SIRPA: variants seen among roughly 807,000 people sequenced by gnomAD.
The protein encoded by SIRPA is signal regulatory protein alpha.
In SIRPA, 9 loss-of-function variants were observed where a neutral mutation model predicts 50.3. The ratio of observed to expected loss-of-function variants is 0.18; its 90% CI spans 0.11 to 0.31. The LOEUF is 0.31. SIRPA is among the 10% of genes least tolerant of loss of function. The probability of loss-of-function intolerance (pLI) is 1.00; values close to 1 mark genes in which losing one functional copy is unlikely to be tolerated. For synonymous variants in SIRPA, 265 were observed against 284.1 expected (o/e 0.93, Z 0.68); for missense variants, 474 against 661.6 (o/e 0.72, Z 3.11).
At chr20:1,929,929 T>G (rs564041013) in intron 6 of SIRPA, among the ~76,000 whole-genome samples, 1 of 152,116 alleles carries the variant, frequency 6.6e-6, no homozygotes. Context: ...CTTGAACAGT[T>G]TCACTTCTAG....
rs1413336048 is a variant in SIRPA, at chr20:1,937,364, G to T, written c.1311G>T (p.Gly437=). ...ITYADLNLPK[G]KKPAPQAAEP... ...ATGCAGACCTGAACCTGCCCAAGGG[G>T]AAGAAGCCTGCTCCCCAGGCTGCGG... is the stretch of plus-strand genomic sequence containing the variant. The change falls in exon 8 of 8, where the codon GGG becomes GGT. Residue 437 remains glycine, a synonymous_variant. Transcript: ENST00000358771. The surrounding 1 kb of genome is among the most constrained non-coding windows in gnomAD (Gnocchi z 8.3). 1.2e-6 allele frequency: 2 copies of T among 1,613,992 alleles called. No homozygotes were observed. Among genetic ancestry groups the T allele is most frequent in the Admixed American group, 3.3e-5 (2 of 60,000 alleles).
rs552163992 is a variant in SIRPA at position 1,900,949 on chromosome 20, A to C, written c.79+5423A>C. 8.5e-5 allele frequency among the ~76,000 whole-genome samples: 13 copies of C among 152,220 alleles called. No individual in the cohort carries two copies. In the South Asian group the frequency reaches 2.1e-3, roughly 24 times the overall value. On this transcript the variant is annotated intron_variant, in intron 1 of 7. Coordinates refer to ENST00000358771, the MANE Select transcript of SIRPA (RefSeq NM_001040023.2). ...GAGGAAACTGAGGCTCTGAATGGTGAAGCAGCTTGCCCAAGGCCACACCGT... is the reference window on the plus strand; with the variant it reads ...GAGGAAACTGAGGCTCTGAATGGTGCAGCAGCTTGCCCAAGGCCACACCGT...
At chr20:1,923,454 A>G (rs1230061875) in intron 4 of SIRPA, among the ~76,000 whole-genome samples, 1 of 152,264 alleles carries the variant, frequency 6.6e-6, no homozygotes, top group Non-Finnish European at 1.5e-5. Flanking sequence ...GAAGCTCTCA[A>G]AGACAGCCTT....
Position 1,937,593 on chromosome 20 carries a change from C to T in SIRPA, c.*25C>T. ...AATGGGACCGTGGTTTGCTCTAGCA[C>T]CCATCTCTACGCGCTTTCTTGTCCC... On this transcript the variant is annotated 3_prime_UTR_variant, in exon 8 of 8. Coordinates refer to ENST00000358771, the MANE Select transcript of SIRPA (RefSeq NM_001040023.2). This position sits in a 1 kb window ranked among gnomAD's most constrained non-coding sequence, Gnocchi z 8.3. 6.2e-7 allele frequency: 1 copy of T among 1,609,736 alleles called. No homozygotes were observed. The highest frequency in any genetic ancestry group is 1.1e-5 in the South Asian group (1 of 90,898).
rs955466464 is a variant in SIRPA at position 1,935,056 on chromosome 20, G to A, written c.1266+302G>A. Among the ~76,000 whole-genome samples the A allele has an allele frequency of 3.4e-5, 5 of 146,646 alleles. No homozygotes were observed. The East Asian group carries it at 6.2e-4, about 18-fold the overall frequency. The stretch of plus-strand genomic sequence containing the variant: ...GGCTGCAGCTCCCTTAGTGTGGATC[G>A]TGCCTTCCCATCTCTCTACATTTGC... On this transcript the variant is annotated intron_variant, in intron 7 of 7. Transcript: ENST00000358771.
chr20:1,911,291 G>GTTAGATTGT (rs1984873158), intron 1 of SIRPA, among the ~76,000 whole-genome samples: 1 of 152,174 alleles, frequency 6.6e-6, no homozygotes, highest in Non-Finnish European at 1.5e-5. Flanking sequence ...AAGGTATGAT[G>GTTAGATTGT]TTAGATTGTT....
intron 1 of SIRPA, among the ~76,000 whole-genome samples, chr20:1,897,405 T>C (rs1983895927): frequency 2.0e-5 from 3 of 152,232 alleles, no homozygotes; most frequent in Non-Finnish European, 2.9e-5. Flanking sequence ...TCTCCCATTA[T>C]CCTTCAGTAT....
rs1210518049 is a variant in SIRPA at position 1,895,460 on chromosome 20, G to A, written c.13G>A (p.Gly5Ser). 17 of 1,423,416 alleles carry A rather than the reference G, an allele frequency of 1.2e-5. No homozygotes were observed. The highest frequency in any genetic ancestry group is 3.1e-5 in the Admixed American group (1 of 31,948). 88.2% of individuals were successfully genotyped at this position (1,423,416 alleles called of 1,614,324 possible). A position where few individuals can be genotyped will look rare whatever the true frequency, so the allele number is the denominator to read the frequency against. The change falls in exon 1 of 8, where the codon GGC (glycine) becomes AGC (serine). Residue 5 changes from glycine to serine, a missense_variant. Gly to Ser is a moderately conservative substitution (Grantham distance 56). Transcript: ENST00000358771. ...GCAGCCGCGGCCCATGGAGCCCGCC[G>A]GCCCGGCCCCCGGCCGCCTCGGGCC... MEPA[G>S]PAPGRLGPLL...
rs756056699 is a variant in SIRPA, at chr20:1,922,335, T to C, written c.777T>C (p.Thr259=). The C allele has an allele frequency of 1.2e-5, 20 of 1,614,086 alleles. No homozygotes were observed. Among genetic ancestry groups the C allele is most frequent in the Non-Finnish European group, 1.6e-5 (19 of 1,179,964 alleles). ...TIRVPPTLEV[T]QQPVRAENQV... is the part of the protein sequence containing the mutation. ...CAGTTCCACCCACCTTGGAGGTTAC[T>C]CAACAGCCCGTGAGGGCAGAGAACC... Residue 259 remains threonine, a synonymous_variant, in exon 4 of 8, where the codon ACT becomes ACC. Transcript: ENST00000358771.
intron 1 of SIRPA, among the ~76,000 whole-genome samples, chr20:1,912,499 G>A (rs769016472): frequency 2.6e-5 from 4 of 152,182 alleles, no homozygotes; most frequent in African/African-American, 7.2e-5. Context: ...TATTTTTATC[G>A]ATGACACTGT....
chr20:1,912,777 G>GA (rs551556191), intron 1 of SIRPA, among the ~76,000 whole-genome samples: 14 of 152,344 alleles, frequency 9.2e-5, no homozygotes, highest in African/African-American at 3.1e-4. Flanking sequence ...GCTAAGAGGG[G>GA]AGCCATGCTG....
intron 1 of SIRPA, among the ~76,000 whole-genome samples, chr20:1,912,910 C>A (rs1984986023): frequency 6.6e-6 from 1 of 152,242 alleles, no homozygotes; most frequent in South Asian, 2.1e-4. Context: ...GCTGGTGCTG[C>A]CTCTGATGTC....
chr20:1,907,763 C>T (rs544787921), intron 1 of SIRPA, among the ~76,000 whole-genome samples: 3 of 152,354 alleles, frequency 2.0e-5, no homozygotes, highest in East Asian at 3.9e-4. Context: ...GTATCTAGGA[C>T]AGGGCCTGGC....
At chr20:1,919,934 G>T (rs538795782) in intron 2 of SIRPA, among the ~76,000 whole-genome samples, 4 of 152,184 alleles carry the variant, frequency 2.6e-5, no homozygotes, top group Non-Finnish European at 5.9e-5. Context: ...GCTGCCTGAA[G>T]GATAAATGTG....
Position 1,917,978 on chromosome 20 carries a change from A to G in SIRPA, c.436+2523A>G, listed in dbSNP as rs147175627. On this transcript the variant is annotated intron_variant, in intron 2 of 7. Coordinates refer to ENST00000358771, the MANE Select transcript of SIRPA (RefSeq NM_001040023.2). ...TTCATGAAGTTCAGGCACTTGCTCA[A>G]TTGATTGACATGAGAGCTTGGGGAA... 2.2e-3 allele frequency among the ~76,000 whole-genome samples: 332 copies of G among 152,252 alleles called. 1 individual carries two copies. The highest frequency in any genetic ancestry group is 7.4e-3 in the African/African-American group (306 of 41,558).
Position 1,937,208 on chromosome 20 carries a change from G to A in SIRPA, c.1267-112G>A, listed in dbSNP as rs1003503683. 141 of 1,303,668 alleles carry A rather than the reference G, an allele frequency of 1.1e-4. No individual in the cohort carries two copies. Among genetic ancestry groups the A allele is most frequent in the Admixed American group, 2.1e-5 (1 of 48,112 alleles). The allele number at this position is 1,303,668 out of a possible 1,614,324, so 80.8% of individuals were successfully genotyped here. A position where few individuals can be genotyped will look rare whatever the true frequency, so the allele number is the denominator to read the frequency against. ...GAACATGACTTATGGCTGAGCCAGT[G>A]TGGGCCGAGAGGACACAGAAGCATC... On this transcript the variant is annotated intron_variant, in intron 7 of 7. Transcript: ENST00000358771. This position sits in a 1 kb window ranked among gnomAD's most constrained non-coding sequence, Gnocchi z 8.3.
chr20:1,906,681 G>C (rs903664988), intron 1 of SIRPA, among the ~76,000 whole-genome samples: 36 of 152,264 alleles, frequency 2.4e-4, no homozygotes, highest in African/African-American at 8.4e-4. Flanking sequence ...GGAGGGTTTT[G>C]CACAAAGGAG....
In SIRPA at chr20:1,901,163, C is replaced by T. The variant is rs28576903; in HGVS notation, c.79+5637C>T. On this transcript the variant is annotated intron_variant, in intron 1 of 7. Coordinates refer to ENST00000358771, the MANE Select transcript of SIRPA (RefSeq NM_001040023.2). ...TTGTTTTTTCTTCCTTTCTTTCTTTCTTTTTTTTTTTTTTTTTTTTTTTTT... is the reference window on the plus strand; with the variant it reads ...TTGTTTTTTCTTCCTTTCTTTCTTTTTTTTTTTTTTTTTTTTTTTTTTTTT... 8.9e-5 allele frequency among the ~76,000 whole-genome samples: 7 copies of T among 78,884 alleles called. No homozygotes were observed. In the East Asian group the frequency reaches 2.3e-3, roughly 26 times the overall value. 51.8% of individuals were successfully genotyped at this position (78,884 alleles called of 152,430 possible).
chr20:1,913,558 T>C (rs1985031958), intron 1 of SIRPA, among the ~76,000 whole-genome samples: 1 of 152,144 alleles, frequency 6.6e-6, no homozygotes, highest in Non-Finnish European at 1.5e-5. Context: ...CAAGGTCACA[T>C]GAAGGGTCAG....
Sources: allele counts gnomAD v4.1 joint callset (sites outside exome capture counted in the v4.1 genomes callset), GRCh38; gene constraint gnomAD v4.1.1; non-coding constraint Gnocchi (gnomAD v3.1); transcripts MANE v1.5; gene names NCBI Gene and HGNC (gene_info 2026-07-23, HGNC 2026-07-21).